Variants in ZFHX3 observed in about 807,000 individuals in gnomAD.
The protein encoded by ZFHX3 is zinc finger homeobox 3.
ZFHX3 carries 42 observed loss-of-function variants against 279.1 expected under a neutral mutation model. That is an observed-to-expected ratio of 0.15 (90% CI 0.12 to 0.19). ZFHX3 has a LOEUF of 0.19. ZFHX3 is among the 10% of genes least tolerant of loss of function. ZFHX3 has a pLI of 1.00. For synonymous variants in ZFHX3, 2,293 were observed against 1,957.8 expected (o/e 1.17, Z -4.52); for missense variants, 4,981 against 4,754.0 (o/e 1.05, Z -1.40).
At chr16:73,727,635 G>GATCCC (rs1189192271) in intron 1 of ZFHX3, among the ~76,000 whole-genome samples, 2 of 152,228 alleles carry the variant, frequency 1.3e-5, no homozygotes, top group South Asian at 2.1e-4. Context: ...GTTTTCTTCT[G>GATCCC]ATCCCATCCC....
chr16:73,340,502 G>A (rs1236930824), intron 3 of ZFHX3, among the ~76,000 whole-genome samples: 1 of 152,220 alleles, frequency 6.6e-6, no homozygotes, highest in Non-Finnish European at 1.5e-5. Context: ...GATTATAGGT[G>A]CATGCCATCA....
chr16:73,726,698 G>C (rs2053521773), intron 1 of ZFHX3, among the ~76,000 whole-genome samples: 2 of 152,228 alleles, frequency 1.3e-5, no homozygotes, highest in South Asian at 4.2e-4. Context: ...GCAACAGCGG[G>C]AGCACGAGGG....
rs1164385346 is a variant in ZFHX3 at position 73,568,805 on chromosome 16, A to C, written c.-1547+111375T>G. Among the ~76,000 whole-genome samples, 2 of 152,092 alleles carry C rather than the reference A, an allele frequency of 1.3e-5. 1 individual carries two copies. The highest frequency in any genetic ancestry group is 2.9e-5 in the Non-Finnish European group (2 of 68,018). On this transcript the variant is annotated intron_variant, in intron 2 of 17. Transcript: ENST00000641206. The stretch of plus-strand genomic sequence containing the variant: ...CTTTGGTGGTGAAATCTATCAAAGG[A>C]ATCTCAAAACAGATTACATGGTAAA...
intron 2 of ZFHX3, among the ~76,000 whole-genome samples, chr16:73,654,715 A>G (rs902556925): frequency 6.6e-6 from 1 of 152,092 alleles, no homozygotes; most frequent in South Asian, 2.1e-4. Flanking sequence ...AGAAAACATA[A>G]TTATTTCAAT....
intron 2 of ZFHX3, among the ~76,000 whole-genome samples, chr16:73,510,181 C>T (rs1331962984): frequency 2.6e-5 from 4 of 152,142 alleles, no homozygotes; most frequent in African/African-American, 9.7e-5. Flanking sequence ...ATCATCTAGC[C>T]ACTTGCAATT....
At chr16:73,127,221 G>GT in intron 7 of ZFHX3, 1 of 713,422 alleles carries the variant, frequency 1.4e-6, no homozygotes, top group Non-Finnish European at 2.0e-6. Flanking sequence ...TGCGTGAGCT[G>GT]TTACACAGCG....
intron 3 of ZFHX3, among the ~76,000 whole-genome samples, chr16:73,453,905 C>T (rs996778705): frequency 3.3e-5 from 5 of 152,130 alleles, no homozygotes; most frequent in South Asian, 2.1e-4. Context: ...CCTTATGATT[C>T]GATTACCTCC....
intron 4 of ZFHX3, among the ~76,000 whole-genome samples, chr16:72,867,280 T>C (rs978856600): frequency 1.3e-5 from 2 of 152,178 alleles, no homozygotes; most frequent in African/African-American, 4.8e-5. Flanking sequence ...TCTGAGTGGT[T>C]ACACAAAATT....
intron 4 of ZFHX3, among the ~76,000 whole-genome samples, chr16:73,264,958 G>A (rs375883062): frequency 1.3e-5 from 2 of 149,608 alleles, no homozygotes; most frequent in Non-Finnish European, 3.0e-5. Context: ...ATATATATAT[G>A]TGTGTATATA....
chr16:73,663,005 C>T (rs1296399268), intron 2 of ZFHX3, among the ~76,000 whole-genome samples: 1 of 151,996 alleles, frequency 6.6e-6, no homozygotes, highest in Non-Finnish European at 1.5e-5. Flanking sequence ...TCGTGATTTG[C>T]TAAAAGCTGC....
At chr16:73,352,235 C>T (rs751741043) in intron 3 of ZFHX3, among the ~76,000 whole-genome samples, 1 of 152,216 alleles carries the variant, frequency 6.6e-6, no homozygotes, top group Non-Finnish European at 1.5e-5. Flanking sequence ...ACACCCAGTG[C>T]ACTGCATGGC....
intron 3 of ZFHX3, among the ~76,000 whole-genome samples, chr16:72,897,706 G>C (rs2038933063): frequency 6.6e-6 from 1 of 152,110 alleles, no homozygotes; most frequent in Non-Finnish European, 1.5e-5. Context: ...CTCCCAAAGT[G>C]CTAGGATTAT....
chr16:73,556,009 G>C (rs544662756), intron 2 of ZFHX3, among the ~76,000 whole-genome samples: 27 of 152,308 alleles, frequency 1.8e-4, no homozygotes, highest in African/African-American at 4.6e-4. Flanking sequence ...TGCAGACACA[G>C]TGTTTTCTGT....
At chr16:73,237,829 G>C (rs749117322) in intron 5 of ZFHX3, among the ~76,000 whole-genome samples, 5 of 152,118 alleles carry the variant, frequency 3.3e-5, no homozygotes. Context: ...CACTGGCAAA[G>C]GCAGAAGCCA....
chr16:73,696,995 T>C (rs969927630), intron 1 of ZFHX3, among the ~76,000 whole-genome samples: 2 of 152,136 alleles, frequency 1.3e-5, no homozygotes, highest in African/African-American at 4.8e-5. Flanking sequence ...AGGGACACGA[T>C]AGTTAATTTA....
At chr16:72,961,579 C>A (rs533611146) in intron 1 of ZFHX3, among the ~76,000 whole-genome samples, 33 of 152,180 alleles carry the variant, frequency 2.2e-4, no homozygotes, top group African/African-American at 7.9e-4. Flanking sequence ...GTGAAGGTTT[C>A]GGCCAGGTTT....
At chr16:72,791,945 C>T (rs989920509) in intron 9 of ZFHX3, among the ~76,000 whole-genome samples, 2 of 152,182 alleles carry the variant, frequency 1.3e-5, no homozygotes, top group African/African-American at 4.8e-5. Context: ...AGCAGCACAG[C>T]TGCTTTAACC....
At chr16:73,210,212 G>T (rs1040122430) in intron 5 of ZFHX3, among the ~76,000 whole-genome samples, 2 of 152,098 alleles carry the variant, frequency 1.3e-5, no homozygotes, top group African/African-American at 4.8e-5. Flanking sequence ...GTCTAAAATC[G>T]CCAAAAGATT....
At chr16:72,919,100 T>C (rs28709625) in intron 3 of ZFHX3, among the ~76,000 whole-genome samples, 17,657 of 152,002 alleles carry the variant, frequency 0.12, 1,477 homozygotes, top group African/African-American at 0.24. Context: ...TTCTGTGCAT[T>C]TCCCTAATCC....
Sources: gnomAD v4.1 joint callset for allele counts (sites outside exome capture counted in the v4.1 genomes callset) on GRCh38, gnomAD v4.1.1 for gene constraint, MANE v1.5 for transcripts, NCBI Gene and HGNC (gene_info 2026-07-23, HGNC 2026-07-21) for gene names.